The following PIH1D2 variants were observed in gnomAD, a reference collection of about 807,000 sequenced individuals.
PIH1D2 encodes the protein PIH1 domain containing 2, also known as PIH1 domain-containing protein 2.
PIH1D2 carries 25 observed loss-of-function variants against 31.2 expected under a neutral mutation model. The ratio of observed to expected loss-of-function variants is 0.80; its 90% CI spans 0.58 to 1.12. The LOEUF (loss-of-function observed/expected upper bound fraction) is 1.12. Ranked by LOEUF, PIH1D2 falls within the 50% of genes most tolerant of loss-of-function variation. The pLI, the probability that PIH1D2 is intolerant of heterozygous loss-of-function variation, is 0.00. For synonymous variants in PIH1D2, 116 were observed against 119.9 expected, an observed-to-expected ratio of 0.97 and a Z score of 0.21; for missense variants, 310 against 356.6, an observed-to-expected ratio of 0.87 and a Z score of 1.05.
downstream of PIH1D2, chr11:112,064,467 T>A (rs1370809094): frequency 9.1e-6 from 4 of 438,900 alleles, no homozygotes; most frequent in South Asian, 1.5e-4. Flanking sequence ...CAGCCATGTA[T>A]GTATAAGCTC....
chr11:112,067,393 G>T (rs1202625366), downstream of PIH1D2, among the ~76,000 whole-genome samples: 1 of 151,414 alleles, frequency 6.6e-6, no homozygotes, highest in East Asian at 2.0e-4. Flanking sequence ...GCCAGGCATG[G>T]TGTCTCATGC....
chr11:112,070,709 A>T lies in PIH1D2; in HGVS notation c.548-8T>A, dbSNP rs781937845. 3 of 1,605,732 alleles carry T rather than the reference A, an allele frequency of 1.9e-6. No individual in the cohort carries two copies. In the African/African-American group the frequency reaches 4.0e-5, roughly 22 times the overall value. On this transcript the variant is annotated splice_region_variant and splice_polypyrimidine_tract_variant and intron_variant, in intron 4 of 5. Coordinates refer to ENST00000280350, the MANE Select transcript of PIH1D2 (RefSeq NM_138789.4). ...TCTGTCCAAGAGTTAGTTCTTTATG[A>T]AAAAAAGGGTGGAGGGGAGATAAAA... is the stretch of plus-strand genomic sequence containing the variant.
At position 112,068,998 on chromosome 11, in the gene PIH1D2, G is replaced by GT. The variant is rs1250203455; in HGVS notation, c.814-994dup. ...ATTTTTTTTGTTTTTTTTTTTTTTT[G>GT]TTTTTTTTTTTTTGAGGGGAGACAG... On this transcript the variant is annotated intron_variant, in intron 5 of 5. Transcript: ENST00000280350. Among the ~76,000 whole-genome samples the GT allele has an allele frequency of 4.5e-3, 360 of 79,262 alleles. 1 individual carries two copies. Among genetic ancestry groups the GT allele is most frequent in the East Asian group, 0.018 (54 of 3,076 alleles). 52.0% of individuals were successfully genotyped at this position (79,262 alleles called of 152,430 possible).
rs782498602 is a variant in PIH1D2 at position 112,070,617 on chromosome 11, G to T, written c.632C>A (p.Ser211Ter). The change falls in exon 5 of 6, where the codon TCA becomes TAA. Residue 211 changes from serine (S) to a stop codon, truncating the protein, a stop_gained. Transcript: ENST00000280350. LOFTEE classifies it high-confidence loss of function. ...TTCTATCAGACACACTGCTTTGCCTGAAACTTGGTCTTTTGGCAGTAACAG... is the reference window on the plus strand; with the variant it reads ...TTCTATCAGACACACTGCTTTGCCTTAAACTTGGTCTTTTGGCAGTAACAG... ...PQLLLPKDQV[S>*]GKAVCLIEEI... The T allele has an allele frequency of 3.7e-6, 6 of 1,614,126 alleles. No individual in the cohort carries two copies. In the Admixed American group the frequency reaches 1.0e-4, roughly 27 times the overall value.
chr11:112,060,568 C>T (rs373631561), downstream of PIH1D2, among the ~76,000 whole-genome samples: 3 of 152,130 alleles, frequency 2.0e-5, no homozygotes, highest in South Asian at 6.2e-4. Context: ...AATTCTCCTA[C>T]CTCTGCCTCC....
chr11:112,058,619 G>GC (rs1326335284), downstream of PIH1D2, among the ~76,000 whole-genome samples: 1 of 130,266 alleles, frequency 7.7e-6, no homozygotes, highest in Non-Finnish European at 1.6e-5. Flanking sequence ...TGGGGGAAGG[G>GC]GGGGGTGGGG....
At position 112,068,186 on chromosome 11, in the gene PIH1D2, C is replaced by T. The variant is rs927557882; in HGVS notation, c.814-181G>A. ...TTAAGGTGGTTACTGCTGCTCACTA[C>T]ATCACACGTTAACTGATACAGTACC... On this transcript the variant is annotated intron_variant, in intron 5 of 5. Coordinates refer to ENST00000280350, the MANE Select transcript of PIH1D2 (RefSeq NM_138789.4). Among the ~76,000 whole-genome samples, 7 of 152,158 alleles carry T rather than the reference C, an allele frequency of 4.6e-5. No individual in the cohort carries two copies. The East Asian group carries it at 1.2e-3, about 25-fold the overall frequency.
the PIH1D2 span, among the ~76,000 whole-genome samples, chr11:112,052,566 G>A: frequency 1.3e-5 from 2 of 152,186 alleles, no homozygotes; most frequent in Non-Finnish European, 2.9e-5. Flanking sequence ...GCTAGGGCGA[G>A]GTTTGAGGTG....
chr11:112,064,137 C>A (rs1555183590), downstream of PIH1D2: 2 of 1,513,574 alleles, frequency 1.3e-6, no homozygotes, highest in Middle Eastern at 1.7e-4. Context: ...AAGGGACCAT[C>A]ATCAATATGA....
downstream of PIH1D2, among the ~76,000 whole-genome samples, chr11:112,065,123 C>T (rs1303013761): frequency 6.6e-6 from 1 of 152,092 alleles, no homozygotes; most frequent in Non-Finnish European, 1.5e-5. Context: ...TACAGCTGAG[C>T]CACCACGCCC....
downstream of PIH1D2, chr11:112,061,334 C>T (rs1864610337): frequency 2.8e-6 from 2 of 718,114 alleles, no homozygotes; most frequent in Admixed American, 2.2e-5. Context: ...TTGCATATAA[C>T]CTACACACAT....
the PIH1D2 span, among the ~76,000 whole-genome samples, chr11:112,056,429 G>C: frequency 1.3e-5 from 2 of 152,136 alleles, no homozygotes; most frequent in Non-Finnish European, 2.9e-5. Context: ...TATAGAAATG[G>C]AGTCATAAAA....
chr11:112,071,416 G>C (rs1865106005), intron 3 of PIH1D2, 133 bp from the exon 4 acceptor site: 2 of 1,307,236 alleles, frequency 1.5e-6, no homozygotes, highest in Non-Finnish European at 2.1e-6. Flanking sequence ...AATCACAGTA[G>C]TGCTACAGCA....
downstream of PIH1D2, chr11:112,063,445 C>CAT (rs1426466556): frequency 6.6e-6 from 1 of 152,570 alleles, no homozygotes; most frequent in Non-Finnish European, 1.5e-5. Flanking sequence ...AATAAGTGTA[C>CAT]ATATGTAAAA....
At chr11:112,069,790 C>T (rs1555184296) in intron 5 of PIH1D2, 1 of 152,346 alleles carries the variant, frequency 6.6e-6, no homozygotes, top group Non-Finnish European at 1.5e-5. Flanking sequence ...TTGCTGTGCA[C>T]CAGTAACTGC....
At chr11:112,069,593 C>A (rs1487168102) in intron 5 of PIH1D2, 2 of 151,860 alleles carry the variant, frequency 1.3e-5, no homozygotes, top group African/African-American at 4.8e-5. Context: ...CAGATGTGGC[C>A]AAGGTGGATA....
In PIH1D2 at chr11:112,071,139, T is replaced by C. The variant is rs868988170; in HGVS notation, c.446A>G (p.His149Arg). Residue 149 changes from histidine to arginine, a missense_variant, in exon 4 of 6, where the codon CAT becomes CGT. Physicochemically the swap from His to Arg is conservative, Grantham distance 29. Transcript: ENST00000280350. ...KFQFTLSHSY[H>R]ITKFRIKGSI... ...TCCTTTTATTCTAAATTTGGTAATA[T>C]GGTAAGAGTGTGAGAGGGTGAACTG... is the stretch of plus-strand genomic sequence containing the variant. 1 of 1,613,952 alleles carries C rather than the reference T, an allele frequency of 6.2e-7. No individual in the cohort carries two copies.
downstream of PIH1D2, among the ~76,000 whole-genome samples, chr11:112,059,689 G>A (rs536625): frequency 0.064 from 9,711 of 152,090 alleles, 1,058 homozygotes; most frequent in African/African-American, 0.22. Context: ...CACCGTTCCC[G>A]GACCTCTCTT....
chr11:112,071,613 G>T, intron 3 of PIH1D2, 22 bp downstream of exon 3: 1 of 1,608,516 alleles, frequency 6.2e-7, no homozygotes, highest in Non-Finnish European at 8.5e-7. Flanking sequence ...TTTACAATGT[G>T]CTTTCTCTCA....
Sources: gnomAD v4.1 joint callset for allele counts (sites outside exome capture counted in the v4.1 genomes callset) on GRCh38, gnomAD v4.1.1 for gene constraint, MANE v1.5 for transcripts, NCBI Gene and HGNC (gene_info 2026-07-23, HGNC 2026-07-21) for gene names.